The following SLC35F4 variants were observed in gnomAD, a reference collection of about 807,000 sequenced individuals.
SLC35F4 encodes chromosome 14 open reading frame 36.
In SLC35F4, 24 loss-of-function variants were observed where a neutral mutation model predicts 44.2. The observed-to-expected ratio is 0.54, with a 90% CI of 0.39 to 0.76. The LOEUF (loss-of-function observed/expected upper bound fraction) is 0.76, where lower values mean the gene tolerates loss of function less well. SLC35F4 is among the 30% of genes least tolerant of loss of function. SLC35F4 has a pLI of 0.00. For missense variants in SLC35F4, 562 were observed against 586.1 expected, an observed-to-expected ratio of 0.96 and a Z score of 0.42; for synonymous variants, 238 against 223.6, an observed-to-expected ratio of 1.06 and a Z score of -0.57.
intron 1 of SLC35F4, among the ~76,000 whole-genome samples, chr14:57,924,442 CCT>C (rs1000940004): frequency 1.3e-5 from 2 of 151,838 alleles, no homozygotes; most frequent in Non-Finnish European, 2.9e-5. Context: ...TCTTTACTTT[CCT>C]CTTTCTTTCT....
In SLC35F4 at chr14:57,905,879, G is replaced by A. The variant is rs536366668; in HGVS notation, n.282+76034C>T. ...GATGAAAATGGAAGAACAGGGGAAA[G>A]GGTATGGGCAGAAGGGAAAGCAAGT... On this transcript the variant is annotated intron_variant and non_coding_transcript_variant, in intron 1 of 1. Coordinates refer to the SLC35F4 transcript ENST00000556568. 5.3e-5 allele frequency among the ~76,000 whole-genome samples: 8 copies of A among 152,290 alleles called. No individual in the cohort carries two copies. In the South Asian group the frequency reaches 1.5e-3, roughly 28 times the overall value.
intron 1 of SLC35F4, among the ~76,000 whole-genome samples, chr14:57,788,295 A>C (rs2077819841): frequency 6.6e-6 from 1 of 152,288 alleles, no homozygotes; most frequent in South Asian, 2.1e-4. Context: ...AAGAAATGAG[A>C]TAGACAGCAA....
chr14:57,830,627 C>G lies in SLC35F4; in HGVS notation c.103+35096G>C, dbSNP rs545091071. Among the ~76,000 whole-genome samples the G allele has an allele frequency of 6.6e-5, 10 of 152,202 alleles. No homozygotes were observed. The East Asian group carries it at 1.4e-3, about 21-fold the overall frequency. The stretch of plus-strand genomic sequence containing the variant: ...ACTTAAAATCTCATAATTAAATGAG[C>G]CAATATGGTTCTGGATGGCTCTGCT... On this transcript the variant is annotated intron_variant, in intron 1 of 7. Coordinates refer to ENST00000556826, the MANE Select transcript of SLC35F4 (RefSeq NM_001306087.2).
intron 1 of SLC35F4, among the ~76,000 whole-genome samples, chr14:57,750,984 G>C (rs1174346771): frequency 6.6e-6 from 1 of 152,122 alleles, no homozygotes; most frequent in Non-Finnish European, 1.5e-5. Flanking sequence ...CACCCGCCCA[G>C]TCTCCTCCGT....
chr14:57,674,565 G>A (rs949074170), intron 1 of SLC35F4, among the ~76,000 whole-genome samples: 4 of 152,126 alleles, frequency 2.6e-5, no homozygotes, highest in African/African-American at 9.7e-5. Flanking sequence ...AACAATGTGG[G>A]TGGATCTCAG....
chr14:57,914,371 G>A (rs563886811), intron 1 of SLC35F4, among the ~76,000 whole-genome samples: 2 of 152,210 alleles, frequency 1.3e-5, no homozygotes, highest in Non-Finnish European at 2.9e-5. Context: ...AGACCATTCT[G>A]GCTAACACAG....
At chr14:57,665,029 T>C (rs1222601019) in intron 1 of SLC35F4, among the ~76,000 whole-genome samples, 1 of 152,138 alleles carries the variant, frequency 6.6e-6, no homozygotes. Flanking sequence ...ATGCTTCCAC[T>C]TCAGAGTGGG....
At chr14:57,720,820 C>G (rs2076065908) in intron 1 of SLC35F4, among the ~76,000 whole-genome samples, 1 of 151,694 alleles carries the variant, frequency 6.6e-6, no homozygotes, top group Admixed American at 6.6e-5. Flanking sequence ...ACTAGTCTAG[C>G]CTCCCAGGCT....
intron 1 of SLC35F4, among the ~76,000 whole-genome samples, chr14:57,696,759 T>C (rs1439609328): frequency 3.3e-5 from 5 of 152,210 alleles, no homozygotes; most frequent in African/African-American, 1.2e-4. Flanking sequence ...AGTTCATGTG[T>C]CCTTTGCAGG....
chr14:57,713,073 A>G (rs1197804760), intron 1 of SLC35F4, among the ~76,000 whole-genome samples: 2 of 152,210 alleles, frequency 1.3e-5, no homozygotes, highest in Non-Finnish European at 2.9e-5. Context: ...TTCCAGATTA[A>G]ATCAAGTCAC....
intron 1 of SLC35F4, among the ~76,000 whole-genome samples, chr14:57,861,537 G>C (rs2141011895): frequency 1.3e-5 from 2 of 152,242 alleles, no homozygotes; most frequent in Middle Eastern, 6.8e-3. Context: ...TCCTTGCAGA[G>C]TCATCTATAC....
chr14:57,711,353 A>G (rs1388097336), intron 1 of SLC35F4, among the ~76,000 whole-genome samples: 2 of 152,064 alleles, frequency 1.3e-5, no homozygotes, highest in Non-Finnish European at 2.9e-5. Context: ...TTTATAAATT[A>G]CCTAGTCTCG....
intron 1 of SLC35F4, among the ~76,000 whole-genome samples, chr14:57,758,280 G>T (rs1436311501): frequency 1.3e-5 from 2 of 151,940 alleles, no homozygotes; most frequent in Non-Finnish European, 2.9e-5. Flanking sequence ...TTTGGTATAT[G>T]TGAACACTAA....
chr14:57,621,078 G>C (rs1379722707), intron 1 of SLC35F4, among the ~76,000 whole-genome samples: 1 of 151,496 alleles, frequency 6.6e-6, no homozygotes, highest in African/African-American at 2.4e-5. Flanking sequence ...TTGCTTCAAA[G>C]AGAATAAAAT....
chr14:57,708,539 G>C (rs1260456696), intron 1 of SLC35F4, among the ~76,000 whole-genome samples: 1 of 152,242 alleles, frequency 6.6e-6, no homozygotes, highest in Non-Finnish European at 1.5e-5. Context: ...AATGCTGATA[G>C]TGATGTGGAC....
intron 1 of SLC35F4, among the ~76,000 whole-genome samples, chr14:57,818,052 G>A (rs946833338): frequency 1.3e-5 from 2 of 152,114 alleles, no homozygotes; most frequent in Non-Finnish European, 2.9e-5. Flanking sequence ...TACTGCTGTG[G>A]AACTGGGCTC....
chr14:57,604,716 G>A (rs1014912744), intron 1 of SLC35F4, among the ~76,000 whole-genome samples: 5 of 152,062 alleles, frequency 3.3e-5, no homozygotes, highest in African/African-American at 7.2e-5. Flanking sequence ...ATGCTACAAG[G>A]CTACAGTAAA....
intron 1 of SLC35F4, among the ~76,000 whole-genome samples, chr14:57,619,918 A>C (rs966413507): frequency 3.9e-4 from 59 of 152,082 alleles, no homozygotes; most frequent in Admixed American, 3.7e-3. Flanking sequence ...CAGCCGAATC[A>C]ATCAAGCAGA....
intron 1 of SLC35F4, among the ~76,000 whole-genome samples, chr14:57,752,207 A>G (rs2076900903): frequency 6.6e-6 from 1 of 152,130 alleles, no homozygotes; most frequent in Non-Finnish European, 1.5e-5. Context: ...CTTACATTTT[A>G]ATGTTTGTGG....
Sources: allele counts gnomAD v4.1 joint callset (sites outside exome capture counted in the v4.1 genomes callset), GRCh38; gene constraint gnomAD v4.1.1; transcripts MANE v1.5; gene names NCBI Gene and HGNC (gene_info 2026-07-23, HGNC 2026-07-21).